MYLK2: variants seen among roughly 807,000 people sequenced by gnomAD.
MYLK2 encodes the protein myosin light chain kinase 2, skeletal/cardiac muscle.
MYLK2 carries 27 observed loss-of-function variants against 58.2 expected under a neutral mutation model. The observed-to-expected ratio is 0.46, with a 90% CI of 0.34 to 0.64. The LOEUF (loss-of-function observed/expected upper bound fraction) is 0.64. Ranked by LOEUF, MYLK2 falls within the 30% of genes least tolerant of loss-of-function variation. MYLK2 has a pLI of 0.01. For synonymous variants in MYLK2, 310 were observed against 296.7 expected (o/e 1.04, Z -0.46); for missense variants, 676 against 764.3 (o/e 0.88, Z 1.36).
Position 31,831,792 on chromosome 20 carries a change from C to A in MYLK2, c.1514C>A (p.Thr505Asn), listed in dbSNP as rs144359857. Residue 505 changes from threonine to asparagine, a missense_variant, in exon 11 of 13, where the codon ACC becomes AAC. Coordinates refer to ENST00000375985, the MANE Select transcript of MYLK2 (RefSeq NM_033118.4). ...LSGNWYFDEE[T>N]FEAVSDEAKD... ...GGCAACTGGTACTTTGATGAAGAGA[C>A]CTTTGAGGCCGTATCAGACGAGGCC... is the stretch of plus-strand genomic sequence containing the variant. The A allele has an allele frequency of 1.2e-5, 19 of 1,614,144 alleles. 1 individual carries two copies. The highest frequency in any genetic ancestry group is 1.5e-5 in the Non-Finnish European group (18 of 1,180,022).
At chr20:31,827,494 CAAT>C (rs1230280857) in intron 8 of MYLK2, 30 of 985,370 alleles carry the variant, frequency 3.0e-5, no homozygotes, top group East Asian at 1.1e-4. Context: ...GCGCTAACAA[CAAT>C]GTTTCGTGAA....
chr20:31,823,393 C>T, intron 4 of MYLK2, 84 bp from the exon 5 acceptor site: 1 of 1,295,016 alleles, frequency 7.7e-7, no homozygotes, highest in Non-Finnish European at 1.1e-6. Flanking sequence ...CTAGATGGGG[C>T]CCAGGCCAGC....
intron 4 of MYLK2, among the ~76,000 whole-genome samples, chr20:31,823,054 G>A (rs2062259406): frequency 6.6e-6 from 1 of 152,208 alleles, no homozygotes; most frequent in Admixed American, 6.5e-5. Context: ...GCCAGATTGC[G>A]GTGTTATTAG....
chr20:31,832,208 C>T, intron 12 of MYLK2, 72 bp downstream of exon 12: 1 of 1,560,492 alleles, frequency 6.4e-7, no homozygotes, highest in Non-Finnish European at 8.7e-7. Context: ...ATCCCAGCCT[C>T]CACCGTCCCT....
rs2062247462 is a variant in MYLK2 at position 31,820,509 on chromosome 20, T to C, written c.436T>C (p.Phe146Leu). ...AGCAGCCAGGAGGGGCTCACCTGCC[T>C]TTCTGCATAGCCCCAGCTGTCCTGC... The part of the protein sequence containing the change: ...QAAARRGSPA[F>L]LHSPSCPAII... Residue 146 changes from phenylalanine (F) to leucine (L), a missense_variant, in exon 3 of 13, where the codon TTT (phenylalanine) becomes CTT (leucine). By Grantham distance (22) the Phe-to-Leu change is conservative. Coordinates refer to ENST00000375985, the MANE Select transcript of MYLK2 (RefSeq NM_033118.4). 7 of 1,604,690 alleles carry C rather than the reference T, an allele frequency of 4.4e-6. No homozygotes were observed. The East Asian group carries it at 1.1e-4, about 26-fold the overall frequency.
Position 31,821,726 on chromosome 20 carries a change from T to C in MYLK2, c.761T>C (p.Phe254Ser). Residue 254 changes from phenylalanine (F) to serine (S), a missense_variant, in exon 4 of 13, where the codon TTC becomes TCC. This residue lies in a region of MYLK2 where 370 missense variants were observed against 467.8 expected (regional missense o/e 0.79). Coordinates refer to ENST00000375985, the MANE Select transcript of MYLK2 (RefSeq NM_033118.4). Reference sequence around the variant, plus strand: ...CTCACAGCCAGGGAGGAGGACTGCTTCCAGATTTTGGGTAGGCCAGGGGCA... The same window carrying C: ...CTCACAGCCAGGGAGGAGGACTGCTCCCAGATTTTGGGTAGGCCAGGGGCA... ...LCLTAREEDC[F>S]QILDDCPPPP... The C allele has an allele frequency of 6.3e-7, 1 of 1,599,946 alleles. No homozygotes were observed. The highest frequency in any genetic ancestry group is 2.2e-5 in the East Asian group (1 of 44,630).
intron 8 of MYLK2, among the ~76,000 whole-genome samples, chr20:31,828,841 A>G (rs1295999647): frequency 6.6e-6 from 1 of 152,176 alleles, no homozygotes; most frequent in Admixed American, 6.5e-5. Flanking sequence ...GGTGGGTTTC[A>G]GTGGGGCCAG....
At chr20:31,821,396 C>A (rs751568905) in intron 3 of MYLK2, 43 bp from the exon 4 acceptor site, 27 of 1,610,516 alleles carry the variant, frequency 1.7e-5, no homozygotes, top group Non-Finnish European at 8.5e-7. Flanking sequence ...ATGCCACAGG[C>A]TGTGGCCGCT....
chr20:31,833,172 C>G (rs533574230), intron 12 of MYLK2, among the ~76,000 whole-genome samples: 1 of 152,282 alleles, frequency 6.6e-6, no homozygotes, highest in East Asian at 1.9e-4. Context: ...GCCCAGCCTG[C>G]ACTTCTAAAT....
Position 31,833,744 on chromosome 20 carries a change from A to C in MYLK2, c.1738A>C (p.Asn580His). The part of the protein sequence containing the change: ...KKNFIAVSAA[N>H]RFKKISSSGA... Reference sequence around the variant, plus strand: ...AAACTTCATTGCTGTCAGCGCTGCCAACCGCTTCAAGAAGATCAGCAGCTC... The same window carrying C: ...AAACTTCATTGCTGTCAGCGCTGCCCACCGCTTCAAGAAGATCAGCAGCTC... The change falls in exon 13 of 13, where the codon AAC becomes CAC. Residue 580 changes from asparagine to histidine, a missense_variant. Asn to His is a moderately conservative substitution (Grantham distance 68). This residue lies in a region of MYLK2 where 370 missense variants were observed against 467.8 expected (regional missense o/e 0.79). Coordinates refer to ENST00000375985, the MANE Select transcript of MYLK2 (RefSeq NM_033118.4). The C allele has an allele frequency of 3.1e-6, 5 of 1,613,932 alleles. No individual in the cohort carries two copies. The highest frequency in any genetic ancestry group is 4.2e-6 in the Non-Finnish European group (5 of 1,179,970).
At chr20:31,832,771 G>A (rs527717755) in intron 12 of MYLK2, among the ~76,000 whole-genome samples, 67 of 152,320 alleles carry the variant, frequency 4.4e-4, no homozygotes, top group African/African-American at 1.5e-3. Flanking sequence ...GATTACAGGC[G>A]TGAGCCACTG....
rs6060966 is a variant in MYLK2, at chr20:31,820,409, G to T, written c.336G>T (p.Lys112Asn). 5.6e-6 allele frequency: 9 copies of T among 1,612,918 alleles called. No homozygotes were observed. In the African/African-American group the frequency reaches 1.1e-4, roughly 19 times the overall value. ...CTGAGACCAGCGTCAAGAAGCCCAA[G>T]GCTGAGCAGGGAGCCTCAGGCAGCC... The part of the protein sequence containing the change: ...ATPETSVKKP[K>N]AEQGASGSQD... Residue 112 changes from lysine (K) to asparagine (N), a missense_variant, in exon 3 of 13, where the codon AAG (lysine) becomes AAT (asparagine). Physicochemically the swap from Lys to Asn is moderately conservative, Grantham distance 94. Transcript: ENST00000375985.
rs2123130573 is a variant in MYLK2 at position 31,823,556 on chromosome 20, T to C, written c.852T>C (p.Ser284=). 3.7e-6 allele frequency: 6 copies of C among 1,613,952 alleles called. No individual in the cohort carries two copies. The highest frequency in any genetic ancestry group is 4.5e-5 in the East Asian group (2 of 44,884). The stretch of plus-strand genomic sequence containing the variant: ...CCGGGAATGTCAGCAGTGAATTCAG[T>C]ATGAACTCCAAGGAGGCGCTCGGAG... ...LRTGNVSSEF[S]MNSKEALGGG... is the part of the protein sequence containing the mutation. Residue 284 remains serine, a synonymous_variant, in exon 5 of 13, where the codon AGT becomes AGC. Coordinates refer to ENST00000375985, the MANE Select transcript of MYLK2 (RefSeq NM_033118.4).
intron 6 of MYLK2, 65 bp downstream of exon 6, chr20:31,824,417 T>A: frequency 6.4e-7 from 1 of 1,562,710 alleles, no homozygotes; most frequent in Non-Finnish European, 8.7e-7. Flanking sequence ...TGGGCACCTC[T>A]CGCCTCCCTC....
At chr20:31,823,624 T>A in intron 5 of MYLK2, 42 bp downstream of exon 5, 1 of 1,575,008 alleles carries the variant, frequency 6.3e-7, no homozygotes, top group Non-Finnish European at 8.7e-7. Flanking sequence ...GGACAGAGAG[T>A]ACACCGGGCT....
rs56385445 is a variant in MYLK2 at position 31,820,498 on chromosome 20, G to T, written c.425G>T (p.Gly142Val). 48 of 1,606,554 alleles carry T rather than the reference G, an allele frequency of 3.0e-5. No individual in the cohort carries two copies. The East Asian group carries it at 6.0e-4, about 20-fold the overall frequency. ...AAEGQAAARR[G>V]SPAFLHSPSC... ...GAGGGCCAAGCAGCAGCCAGGAGGG[G>T]CTCACCTGCCTTTCTGCATAGCCCC... is the stretch of plus-strand genomic sequence containing the variant. Residue 142 changes from glycine to valine, a missense_variant, in exon 3 of 13, where the codon GGC becomes GTC. Around this residue, in one of 2 missense-constraint regions of MYLK2, gnomAD observed 306 missense variants for 296.5 expected, o/e 1.03. Coordinates refer to ENST00000375985, the MANE Select transcript of MYLK2 (RefSeq NM_033118.4).
Position 31,833,784 on chromosome 20 carries a change from C to T in MYLK2, c.1778C>T (p.Ala593Val), listed in dbSNP as rs146497334. Residue 593 changes from alanine (A) to valine (V), a missense_variant, in exon 13 of 13, where the codon GCT (alanine) becomes GTT (valine). By Grantham distance (64) the Ala-to-Val change is moderately conservative (BLOSUM62 0). Coordinates refer to ENST00000375985, the MANE Select transcript of MYLK2 (RefSeq NM_033118.4). ...ATCAGCAGCTCGGGGGCACTGATGGCTCTGGGGGTCTGAGCCCTGGGCGCA... is the reference window on the plus strand; with the variant it reads ...ATCAGCAGCTCGGGGGCACTGATGGTTCTGGGGGTCTGAGCCCTGGGCGCA... ...KKISSSGALM[A>V]LGV The T allele has an allele frequency of 7.4e-5, 119 of 1,613,042 alleles. No homozygotes were observed. The African/African-American group carries it at 1.5e-3, about 21-fold the overall frequency.
chr20:31,821,713 G>T lies in MYLK2; in HGVS notation c.748G>T (p.Glu250Ter). ...VGQALCLTAR[E>*]EDCFQILDDC... Reference sequence around the variant, plus strand: ...GCAGGCCCTCTGTCTCACAGCCAGGGAGGAGGACTGCTTCCAGATTTTGGG... The same window carrying T: ...GCAGGCCCTCTGTCTCACAGCCAGGTAGGAGGACTGCTTCCAGATTTTGGG... Residue 250 changes from glutamate (E) to a stop codon, truncating the protein, a stop_gained, in exon 4 of 13, where the codon GAG becomes TAG. Transcript: ENST00000375985. LOFTEE classifies it high-confidence loss of function. 6.2e-7 allele frequency: 1 copy of T among 1,606,298 alleles called. No individual in the cohort carries two copies. Among genetic ancestry groups the T allele is most frequent in the Non-Finnish European group, 8.5e-7 (1 of 1,174,488 alleles).
At chr20:31,827,065 T>C in intron 8 of MYLK2, 127 bp downstream of exon 8, 3 of 1,522,512 alleles carry the variant, frequency 2.0e-6, no homozygotes, top group African/African-American at 2.8e-5. Flanking sequence ...CTTCCCTTCA[T>C]AGATTCAGAA....
Sources: allele counts gnomAD v4.1 joint callset (sites outside exome capture counted in the v4.1 genomes callset), GRCh38; gene constraint gnomAD v4.1.1; regional missense constraint gnomAD v4.1.1; transcripts MANE v1.5; gene names NCBI Gene and HGNC (gene_info 2026-07-23, HGNC 2026-07-21).